NXT2: variants seen among roughly 807,000 people sequenced by gnomAD.
NXT2 encodes nuclear transport factor 2 like export factor 2, also known as NTF2-related export protein 2.
NXT2 carries 1 observed loss-of-function variant against 9.6 expected under a neutral mutation model. The observed-to-expected ratio is 0.10, with a 90% CI of 0.04 to 0.49. The LOEUF is 0.49. NXT2 is among the 20% of genes least tolerant of loss of function. NXT2 has a pLI of 0.95. For missense variants in NXT2, 48 were observed against 100.3 expected (o/e 0.48, Z 2.23); for synonymous variants, 22 against 35.4 (o/e 0.62, Z 1.34).
At chrX:109,538,234 CT>C in intron 2 of NXT2, 103 bp downstream of exon 2, 2 of 526,278 alleles carry the variant, frequency 3.8e-6, no homozygotes, top group Non-Finnish European at 3.0e-6. Context: ...TAAGTGGTAA[CT>C]GTGGATTTAC....
intron 2 of NXT2, among the ~76,000 whole-genome samples, chrX:109,538,465 T>G (rs1933335643): frequency 8.9e-6 from 1 of 111,895 alleles, no homozygotes; most frequent in Admixed American, 9.5e-5. Context: ...TGTTTCCTTT[T>G]CTTAGTTCCA....
intron 1 of NXT2, chrX:109,537,273 T>G (rs764788091): frequency 1.0e-6 from 1 of 984,544 alleles, no homozygotes; most frequent in African/African-American, 2.0e-5. Flanking sequence ...ATGTTGGGGT[T>G]TGTTGTTTAT....
At chrX:109,536,718 A>C, upstream of NXT2, 3 of 652,879 alleles carry the variant, frequency 4.6e-6, no homozygotes, top group Non-Finnish European at 6.3e-6. Context: ...TCATGTTTAC[A>C]AAAGCAAAGT....
rs1483954637 is a variant in NXT2 at position 109,542,903 on chromosome X, C to T, written c.*215C>T. ...TTTTACATGCCTTATATACATTCCA[C>T]TAATGACATTCTTATAATAATATTA... On this transcript the variant is annotated 3_prime_UTR_variant, in exon 4 of 4. Transcript: ENST00000372106. 7.4e-6 allele frequency: 2 copies of T among 270,866 alleles called. No homozygotes were observed. Among genetic ancestry groups the T allele is most frequent in the Non-Finnish European group, 1.3e-5 (2 of 153,806 alleles). The allele number at this position is 270,866 out of a possible 1,213,427, so 22.3% of individuals were successfully genotyped here.
Position 109,536,994 on chromosome X carries a change from T to C in NXT2, c.-13T>C, listed in dbSNP as rs1933289837. The C allele has an allele frequency of 1.7e-6, 2 of 1,211,684 alleles. No individual in the cohort carries two copies. The highest frequency in any genetic ancestry group is 2.2e-6 in the Non-Finnish European group (2 of 895,403). On this transcript the variant is annotated 5_prime_UTR_variant, in exon 1 of 4. Transcript: ENST00000372106. Reference sequence around the variant, plus strand: ...CGCCGACACTGCCAGAACACACTGCTACAAGGTCCCAGATGGCCACGTCTC... The same window carrying C: ...CGCCGACACTGCCAGAACACACTGCCACAAGGTCCCAGATGGCCACGTCTC...
At chrX:109,537,074 G>C in intron 1 of NXT2, 53 bp downstream of exon 1, 3 of 1,179,548 alleles carry the variant, frequency 2.5e-6, no homozygotes, top group Non-Finnish European at 3.4e-6. Flanking sequence ...CAGTGGCTGA[G>C]AGGAGGGATT....
At chrX:109,541,647 C>T (rs779570229) in intron 3 of NXT2, 28 bp downstream of exon 3, 154 of 1,138,112 alleles carry the variant, frequency 1.4e-4, no homozygotes, top group Non-Finnish European at 1.8e-4. Context: ...CAAGATGCTT[C>T]CTTTGTTTTC....
intron 2 of NXT2, among the ~76,000 whole-genome samples, chrX:109,541,206 G>C (rs762273488): frequency 3.6e-5 from 4 of 111,398 alleles, no homozygotes; most frequent in Non-Finnish European, 7.5e-5. Context: ...TTGGGTGGAA[G>C]GTTTTATTGT....
Position 109,542,519 on chromosome X carries a change from A to G in NXT2, c.260A>G (p.Gln87Arg), listed in dbSNP as rs761706568. The G allele has an allele frequency of 1.4e-5, 17 of 1,193,815 alleles. No individual in the cohort carries two copies. The East Asian group carries it at 5.1e-4, about 36-fold the overall frequency. ...AATGTGGATGAAGAGCAAGCAACTC[A>G]GTCCCAAACTACAGTTCTTGTTGTG... is the stretch of plus-strand genomic sequence containing the variant. ...DCQPVHEQAT[Q>R]SQTTVLVVTS... The change falls in exon 4 of 4, where the codon CAG (glutamine) becomes CGG (arginine). Residue 87 changes from glutamine (Q) to arginine (R), a missense_variant. By Grantham distance (43) the Gln-to-Arg change is conservative. Transcript: ENST00000372106.
chrX:109,542,296 TTTTCTG>T (rs1933436237), intron 3 of NXT2, among the ~76,000 whole-genome samples: 2 of 111,508 alleles, frequency 1.8e-5, no homozygotes, highest in African/African-American at 6.5e-5. Flanking sequence ...TATCCCAAAG[TTTTCTG>T]GACTGAAAAT....
chrX:109,542,450 C>A, intron 3 of NXT2, 57 bp from the exon 4 acceptor site: 1 of 1,025,740 alleles, frequency 9.7e-7, no homozygotes, highest in Non-Finnish European at 1.3e-6. Context: ...GCCTGAAAAT[C>A]TGCTTATTTA....
rs142278164 is a variant in NXT2, at chrX:109,536,991, T to G, written c.-16T>G. The G allele has an allele frequency of 1.7e-6, 2 of 1,210,145 alleles. No homozygotes were observed. The highest frequency in any genetic ancestry group is 3.5e-5 in the African/African-American group (2 of 57,219). ...TGACGCCGACACTGCCAGAACACAC[T>G]GCTACAAGGTCCCAGATGGCCACGT... On this transcript the variant is annotated 5_prime_UTR_variant, in exon 1 of 4. Coordinates refer to ENST00000372106, the MANE Select transcript of NXT2 (RefSeq NM_001242617.2).
At chrX:109,536,801 G>C (rs896042681), upstream of NXT2, 7 of 1,073,140 alleles carry the variant, frequency 6.5e-6, no homozygotes, top group Admixed American at 2.0e-4. Flanking sequence ...GAACTGAAGG[G>C]AAGTGGAACT....
rs1198078860 is a variant in NXT2, at chrX:109,536,876, G to A, written c.-131G>A. ...GCTACTTCCGGGAGAGAATGGGAGG[G>A]TGGAAAATTTTGTGCGTTTGGCGGG... On this transcript the variant is annotated 5_prime_UTR_variant, in exon 1 of 4. It adds an upstream start codon to the 5' untranslated region. Coordinates refer to ENST00000372106, the MANE Select transcript of NXT2 (RefSeq NM_001242617.2). The A allele has an allele frequency of 4.1e-5, 48 of 1,179,963 alleles. No individual in the cohort carries two copies. The highest frequency in any genetic ancestry group is 3.1e-5 in the Non-Finnish European group (27 of 877,335).
At chrX:109,539,489 C>A (rs1933364591) in intron 2 of NXT2, among the ~76,000 whole-genome samples, 1 of 109,321 alleles carries the variant, frequency 9.1e-6, no homozygotes, top group African/African-American at 3.3e-5. Flanking sequence ...CATTCCCACC[C>A]ACAGTGTAAA....
rs1162566264 is a variant in NXT2, at chrX:109,543,411, G to A, written c.*723G>A. 8.9e-6 allele frequency: 1 copy of A among 111,870 alleles called. No individual in the cohort carries two copies. Among genetic ancestry groups the A allele is most frequent in the Non-Finnish European group, 1.9e-5 (1 of 53,003 alleles). The allele number at this position is 111,870 out of a possible 1,213,427, so 9.2% of individuals were successfully genotyped here. On this transcript the variant is annotated 3_prime_UTR_variant, in exon 4 of 4. Coordinates refer to ENST00000372106, the MANE Select transcript of NXT2 (RefSeq NM_001242617.2). ...CTATACATTTAGGTAATGAATGGTA[G>A]TAGAACTAATAGCTTTAACAGGAGA...
At position 109,536,999 on chromosome X, in the gene NXT2, G is replaced by A. The variant is rs780887533; in HGVS notation, c.-8G>A. 7.4e-6 allele frequency: 9 copies of A among 1,211,353 alleles called. No individual in the cohort carries two copies. Among genetic ancestry groups the A allele is most frequent in the Non-Finnish European group, 8.9e-6 (8 of 895,273 alleles). ...ACACTGCCAGAACACACTGCTACAAGGTCCCAGATGGCCACGTCTCTGGTG... is the reference window on the plus strand; with the variant it reads ...ACACTGCCAGAACACACTGCTACAAAGTCCCAGATGGCCACGTCTCTGGTG... On this transcript the variant is annotated 5_prime_UTR_variant, in exon 1 of 4. Transcript: ENST00000372106.
intron 2 of NXT2, 83 bp from the exon 3 acceptor site, chrX:109,541,392 C>A: frequency 1.1e-6 from 1 of 876,652 alleles, no homozygotes; most frequent in Non-Finnish European, 1.6e-6. Context: ...TATATACCAT[C>A]TGTAATATTT....
rs771248975 is a variant in NXT2 at position 109,542,483 on chromosome X, C to T, written c.248-24C>T. 45 of 908,355 alleles carry T rather than the reference C, an allele frequency of 5.0e-5. 3 individuals are homozygous for T. Among genetic ancestry groups the T allele is most frequent in the South Asian group, 4.7e-4 (18 of 38,493 alleles). 74.9% of individuals were successfully genotyped at this position (908,355 alleles called of 1,213,427 possible). ...TTAGAGATAGAAAATGATGTGTTCT[C>T]TTTTTTTTTTAATGTGGATGAAGAG... On this transcript the variant is annotated intron_variant, in intron 3 of 3. Coordinates refer to ENST00000372106, the MANE Select transcript of NXT2 (RefSeq NM_001242617.2).
Sources: gnomAD v4.1 joint callset for allele counts (sites outside exome capture counted in the v4.1 genomes callset) on GRCh38, gnomAD v4.1.1 for gene constraint, MANE v1.5 for transcripts, NCBI Gene and HGNC (gene_info 2026-07-23, HGNC 2026-07-21) for gene names.